The following PKD1 variants were observed in gnomAD, a reference collection of about 807,000 sequenced individuals.
PKD1 encodes polycystin 1, transient receptor potential channel interacting.
Under a neutral mutation model 361.7 loss-of-function variants are expected in PKD1, and 81 were observed. The observed-to-expected ratio is 0.22, with a 90% CI of 0.19 to 0.27. The LOEUF is 0.27. PKD1 is among the 10% of genes least tolerant of loss of function. The pLI is 1.00. For missense variants in PKD1, 6,399 were observed against 6,118.3 expected, an observed-to-expected ratio of 1.05 and a Z score of -1.53; for synonymous variants, 3,615 against 2,818.3, an observed-to-expected ratio of 1.28 and a Z score of -8.95.
Position 2,118,874 on chromosome 16 carries a change from C to G in PKD1, c.360-29G>C, listed in dbSNP as rs533798466. 6.3e-7 allele frequency: 1 copy of G among 1,576,086 alleles called. No homozygotes were observed. The highest frequency in any genetic ancestry group is 2.2e-5 in the East Asian group (1 of 44,758). On this transcript the variant is annotated intron_variant, in intron 3 of 45. Coordinates refer to ENST00000262304, the MANE Select transcript of PKD1 (RefSeq NM_001009944.3). This position sits in a 1 kb window ranked among gnomAD's most constrained non-coding sequence, Gnocchi z 6.0. ...CAGGGCAGGGGCAGGTGTTGGGGAC[C>G]AGGTCTGGTGGGAAGGGTCTATGCC...
At chr16:2,101,972 A>G (rs1326008764) in intron 26 of PKD1, 89 bp downstream of exon 26, 1 of 796,756 alleles carries the variant, frequency 1.3e-6, no homozygotes, top group African/African-American at 1.7e-5. Flanking sequence ...CCTTGTTCTG[A>G]CGCCTGCGAC....
rs987992910 is a variant in PKD1, at chr16:2,089,618, G to A, written c.*109C>T. On this transcript the variant is annotated 3_prime_UTR_variant, in exon 46 of 46. Transcript: ENST00000262304. ...CAGATGCCCCTGCCTGCTCTCTGGG[G>A]AACCTACGTGCAGCCATTCTGCCTG... The A allele has an allele frequency of 2.9e-5, 39 of 1,345,794 alleles. No homozygotes were observed. Among genetic ancestry groups the A allele is most frequent in the Non-Finnish European group, 3.5e-5 (34 of 973,020 alleles). 83.4% of individuals were successfully genotyped at this position (1,345,794 alleles called of 1,614,324 possible).
Position 2,103,468 on chromosome 16 carries a change from G to C in PKD1, c.8589C>G (p.Ile2863Met). Residue 2863 changes from isoleucine (I) to methionine (M), a missense_variant, in exon 23 of 46, where the codon ATC becomes ATG. Physicochemically the swap from Ile to Met is conservative, Grantham distance 10. Coordinates refer to ENST00000262304, the MANE Select transcript of PKD1 (RefSeq NM_001009944.3). Reference sequence around the variant, plus strand: ...TGGCGCGCTCTGAGGCCAGCCGCTCGATGGGGATCTGGGCGCCGGCCTGTG... The same window carrying C: ...TGGCGCGCTCTGAGGCCAGCCGCTCCATGGGGATCTGGGCGCCGGCCTGTG... ...FQTQAGAQIP[I>M]ERLASERAIT... 1 of 1,600,800 alleles carries C rather than the reference G, an allele frequency of 6.2e-7. No homozygotes were observed. The highest frequency in any genetic ancestry group is 1.3e-5 in the African/African-American group (1 of 74,984).
Position 2,089,329 on chromosome 16 carries a change from G to A in PKD1, c.*398C>T, listed in dbSNP as rs540040398. 2.5e-4 allele frequency: 78 copies of A among 307,758 alleles called. No homozygotes were observed. The highest frequency in any genetic ancestry group is 1.5e-3 in the African/African-American group (70 of 46,902). 19.1% of individuals were successfully genotyped at this position (307,758 alleles called of 1,614,324 possible). On this transcript the variant is annotated 3_prime_UTR_variant, in exon 46 of 46. Coordinates refer to ENST00000262304, the MANE Select transcript of PKD1 (RefSeq NM_001009944.3). ...CGGTGCAGGGAGTACGGTAGGAACT[G>A]GAGAGGTAATAACTTAGGGGCAGGG...
At position 2,100,144 on chromosome 16, in the gene PKD1, G is replaced by C; in HGVS notation, c.9712+22C>G. ...ACCCTGCCCAACCTCCCACGGAGTG[G>C]GAACATGGAACGAGGCCTTACTCGC... On this transcript the variant is annotated intron_variant, in intron 28 of 45. Coordinates refer to ENST00000262304, the MANE Select transcript of PKD1 (RefSeq NM_001009944.3). The surrounding 1 kb of genome is among the most constrained non-coding windows in gnomAD (Gnocchi z 4.4). 1 of 1,605,914 alleles carries C rather than the reference G, an allele frequency of 6.2e-7. No homozygotes were observed. Among genetic ancestry groups the C allele is most frequent in the Non-Finnish European group, 8.5e-7 (1 of 1,175,814 alleles).
rs762710953 is a variant in PKD1 at position 2,110,957 on chromosome 16, C to G, written c.4210G>C (p.Ala1404Pro). The stretch of plus-strand genomic sequence containing the variant: ...TAGCGGTAGGGGAACGGGGGCCAGG[C>G]ACATGCCACCAGCCAGGCCTCGTCC... ...LGDEAWLVAC[A>P]WPPFPYRYTW... The change falls in exon 15 of 46, where the codon GCC becomes CCC. Residue 1404 changes from alanine (A) to proline (P), a missense_variant. Coordinates refer to ENST00000262304, the MANE Select transcript of PKD1 (RefSeq NM_001009944.3). 3.7e-6 allele frequency: 6 copies of G among 1,610,748 alleles called. No homozygotes were observed. In the Admixed American group the frequency reaches 5.0e-5, roughly 13 times the overall value.
At position 2,103,807 on chromosome 16, in the gene PKD1, G is replaced by C; in HGVS notation, c.8250C>G (p.Ser2750=). The change falls in exon 23 of 46, where the codon TCC becomes TCG. Residue 2750 remains serine (S), a synonymous_variant. Transcript: ENST00000262304. ...GAESPSRMVA[S]QAYNLTSALM... Reference sequence around the variant, plus strand: ...GGGCAGAGGTCAGGTTGTAGGCCTGGGACGCCACCATCCGAGATGGTGACT... The same window carrying C: ...GGGCAGAGGTCAGGTTGTAGGCCTGCGACGCCACCATCCGAGATGGTGACT... 6.2e-7 allele frequency: 1 copy of C among 1,609,282 alleles called. No individual in the cohort carries two copies. The highest frequency in any genetic ancestry group is 1.1e-5 in the South Asian group (1 of 90,894).
At chr16:2,097,053 A>ACCCCC in intron 34 of PKD1, 95 bp downstream of exon 34, 2 of 414,788 alleles carry the variant, frequency 4.8e-6, no homozygotes, top group Non-Finnish European at 9.7e-6. Context: ...CTGGCACCCC[A>ACCCCC]CCCCACCCTA....
At chr16:2,127,878 A>G (rs4018188) in intron 1 of PKD1, among the ~76,000 whole-genome samples, 1 of 140,138 alleles carries the variant, frequency 7.1e-6, no homozygotes, top group Admixed American at 7.3e-5. Flanking sequence ...GAAACTAGAG[A>G]GAAGGGACAC....
In PKD1 at chr16:2,088,783, G is replaced by GGCCAT. The variant is rs2151649059; in HGVS notation, c.*939_*943dup. 1.1e-6 allele frequency: 1 copy of GGCCAT among 889,384 alleles called. No individual in the cohort carries two copies. Among genetic ancestry groups the GGCCAT allele is most frequent in the East Asian group, 2.7e-5 (1 of 37,468 alleles). 55.1% of individuals were successfully genotyped at this position (889,384 alleles called of 1,614,324 possible). On this transcript the variant is annotated 3_prime_UTR_variant, in exon 46 of 46. Coordinates refer to ENST00000262304, the MANE Select transcript of PKD1 (RefSeq NM_001009944.3). ...GGGGGGGTGTCGAGGCTCTAGAAGC[G>GGCCAT]GCCATGCCCACAGAAGTGGTACACA...
rs759563878 is a variant in PKD1 at position 2,100,511 on chromosome 16, G to T, written c.9453C>A (p.His3151Gln). The change falls in exon 27 of 46, where the codon CAC becomes CAA. Residue 3151 changes from histidine (H) to glutamine (Q), a missense_variant. By Grantham distance (24) the His-to-Gln change is conservative. Transcript: ENST00000262304. This position sits in a 1 kb window ranked among gnomAD's most constrained non-coding sequence, Gnocchi z 4.4. The stretch of plus-strand genomic sequence containing the variant: ...AGGCTCTGTCGCCGTCCAGGTGCCG[G>T]TGGCCGCTCCGGCTGTCCACCCCAT... ...MLYGVDSRSG[H>Q]RHLDGDRAFH... The T allele has an allele frequency of 1.2e-6, 2 of 1,610,590 alleles. No individual in the cohort carries two copies. The highest frequency in any genetic ancestry group is 2.2e-5 in the East Asian group (1 of 44,882).
intron 1 of PKD1, among the ~76,000 whole-genome samples, chr16:2,130,870 C>T (rs1458294286): frequency 2.0e-5 from 3 of 152,216 alleles, no homozygotes; most frequent in Non-Finnish European, 2.9e-5. Context: ...CCAAGTCCCT[C>T]GATGTGCCCA....
intron 21 of PKD1, 121 bp from the exon 22 acceptor site, chr16:2,104,763 A>C: frequency 1.3e-6 from 1 of 780,270 alleles, no homozygotes. Flanking sequence ...AGCCCACTTG[A>C]CTGGACCCCC....
At chr16:2,099,582 A>G (rs1039624474) in intron 30 of PKD1, 62 bp downstream of exon 30, 29 of 1,515,830 alleles carry the variant, frequency 1.9e-5, no homozygotes, top group Middle Eastern at 2.3e-4. Flanking sequence ...TGGCGGCCCT[A>G]GGCATGGTGC....
At chr16:2,113,373 G>A (rs1596571185) in intron 11 of PKD1, 81 bp from the exon 12 acceptor site, 10 of 1,340,378 alleles carry the variant, frequency 7.5e-6, no homozygotes, top group South Asian at 3.8e-5. Context: ...ACCTCCCGTC[G>A]GGCTGGAGAG....
At chr16:2,135,304 T>C (rs1466567089) in intron 1 of PKD1, 171 bp downstream of exon 1, 2 of 985,086 alleles carry the variant, frequency 2.0e-6, no homozygotes, top group African/African-American at 3.5e-5. Context: ...CCCGGGGCCG[T>C]GCCAACCGCG....
At position 2,106,791 on chromosome 16, in the gene PKD1, C is replaced by G. The variant is rs779647581; in HGVS notation, c.7209+14G>C. ...ACCCATCCCCAGCCCGCCCACACCC[C>G]GCTCAACACTCACCCCTCGCTTGGA... On this transcript the variant is annotated intron_variant, in intron 17 of 45. Transcript: ENST00000262304. The surrounding 1 kb of genome is among the most constrained non-coding windows in gnomAD (Gnocchi z 6.5). 2 of 1,522,508 alleles carry G rather than the reference C, an allele frequency of 1.3e-6. No homozygotes were observed. The highest frequency in any genetic ancestry group is 9.0e-7 in the Non-Finnish European group (1 of 1,116,956). The allele number at this position is 1,522,508 out of a possible 1,614,324, so 94.3% of individuals were successfully genotyped here. A position where few individuals can be genotyped will look rare whatever the true frequency, so the allele number is the denominator to read the frequency against.
intron 14 of PKD1, 28 bp downstream of exon 14, chr16:2,112,312 G>A: frequency 3.8e-6 from 6 of 1,576,118 alleles, no homozygotes; most frequent in Non-Finnish European, 5.1e-6. Context: ...CTGAAAGGCA[G>A]TGGCCCCCTC....
rs1349414336 is a variant in PKD1 at position 2,090,486 on chromosome 16, G to A, written c.12243C>T (p.His4081=). 9 of 1,611,964 alleles carry A rather than the reference G, an allele frequency of 5.6e-6. No homozygotes were observed. The highest frequency in any genetic ancestry group is 4.0e-5 in the African/African-American group (3 of 74,916). The change falls in exon 45 of 46, where the codon CAC becomes CAT. Residue 4081 remains histidine, a synonymous_variant. Coordinates refer to ENST00000262304, the MANE Select transcript of PKD1 (RefSeq NM_001009944.3). The part of the protein sequence containing the change: ...LSTLCPAESW[H]LSPLLCVGLW... ...GCCCCACACACAGCAGGGGTGACAG[G>A]TGCCAGGACTCGGCAGGACACAGGG... is the stretch of plus-strand genomic sequence containing the variant.
Sources: allele counts gnomAD v4.1 joint callset (sites outside exome capture counted in the v4.1 genomes callset), GRCh38; gene constraint gnomAD v4.1.1; non-coding constraint Gnocchi (gnomAD v3.1); transcripts MANE v1.5; gene names NCBI Gene and HGNC (gene_info 2026-07-23, HGNC 2026-07-21).